SAMD12: variants seen among roughly 807,000 people sequenced by gnomAD.
The protein encoded by SAMD12 is sterile alpha motif domain containing 12.
SAMD12 carries 9 observed loss-of-function variants against 15.0 expected under a neutral mutation model. That is an observed-to-expected ratio of 0.60 (90% CI 0.36 to 1.05). The LOEUF (loss-of-function observed/expected upper bound fraction) is 1.05. Among genes scored for constraint, SAMD12 ranks in the 50% least tolerant of loss-of-function variants. The pLI, the probability that SAMD12 is intolerant of heterozygous loss-of-function variation, is 0.01. For missense variants in SAMD12, 230 were observed against 234.2 expected (o/e 0.98, Z 0.12); for synonymous variants, 86 against 90.1 (o/e 0.96, Z 0.25).
At chr8:118,362,798 A>C (rs1281689393) in intron 4 of SAMD12, among the ~76,000 whole-genome samples, 2 of 152,208 alleles carry the variant, frequency 1.3e-5, no homozygotes, top group Non-Finnish European at 2.9e-5. Context: ...AACTAGCAAA[A>C]TTTCACATTA....
intron 4 of SAMD12, among the ~76,000 whole-genome samples, chr8:118,223,428 A>G (rs1720731720): frequency 6.6e-6 from 1 of 152,180 alleles, no homozygotes; most frequent in African/African-American, 2.4e-5. Flanking sequence ...AGCCAAAAAC[A>G]TCTTAGCATT....
chr8:118,584,165 C>G (rs1827368263), intron 1 of SAMD12, among the ~76,000 whole-genome samples: 1 of 152,172 alleles, frequency 6.6e-6, no homozygotes, highest in Non-Finnish European at 1.5e-5. Context: ...ATATTTTAAT[C>G]CTCCATAGCT....
At chr8:118,279,164 G>A (rs964391968) in intron 4 of SAMD12, among the ~76,000 whole-genome samples, 1 of 152,140 alleles carries the variant, frequency 6.6e-6, no homozygotes, top group Non-Finnish European at 1.5e-5. Context: ...ATGCAAAAAC[G>A]AAGATGAATT....
intron 3 of SAMD12, among the ~76,000 whole-genome samples, chr8:118,423,488 C>T (rs139493461): frequency 2.5e-3 from 379 of 152,268 alleles, no homozygotes; most frequent in Non-Finnish European, 4.3e-3. Context: ...GCTTTACCTT[C>T]TAAAATTCTA....
chr8:118,174,259 G>A, the SAMD12 span, among the ~76,000 whole-genome samples: 1 of 152,206 alleles, frequency 6.6e-6, no homozygotes, highest in South Asian at 2.1e-4. Flanking sequence ...ATGTGGACCT[G>A]TTTAATGTCC....
chr8:118,370,640 T>C (rs993243023), intron 4 of SAMD12, among the ~76,000 whole-genome samples: 2 of 152,124 alleles, frequency 1.3e-5, no homozygotes, highest in Non-Finnish European at 2.9e-5. Flanking sequence ...TGCAGGGACA[T>C]TGATGGAGCT....
chr8:118,519,204 G>A (rs186966386), intron 2 of SAMD12, among the ~76,000 whole-genome samples: 40 of 152,280 alleles, frequency 2.6e-4, no homozygotes, highest in Non-Finnish European at 4.3e-4. Context: ...GCTTTGGGAG[G>A]TCTGTGGTTC....
chr8:118,549,123 C>A (rs577720159), intron 2 of SAMD12, among the ~76,000 whole-genome samples: 5 of 152,382 alleles, frequency 3.3e-5, no homozygotes, highest in Admixed American at 2.0e-4. Context: ...AAAAAGACAA[C>A]AGTAACCTCT....
intron 4 of SAMD12, among the ~76,000 whole-genome samples, chr8:118,289,053 T>G (rs1204591026): frequency 6.6e-6 from 1 of 152,254 alleles, no homozygotes; most frequent in Non-Finnish European, 1.5e-5. Flanking sequence ...GTAGCTTCAA[T>G]TTTGTTTCAT....
chr8:118,256,058 GAGA>G (rs1812932742), intron 4 of SAMD12, among the ~76,000 whole-genome samples: 1 of 152,206 alleles, frequency 6.6e-6, no homozygotes, highest in African/African-American at 2.4e-5. Context: ...TAACTGGTGT[GAGA>G]TGGTATCTTA....
intron 4 of SAMD12, among the ~76,000 whole-genome samples, chr8:118,259,217 C>G (rs773441127): frequency 2.6e-5 from 4 of 152,138 alleles, no homozygotes; most frequent in Non-Finnish European, 5.9e-5. Context: ...TCTAGCTTAA[C>G]AATCCAGGAG....
downstream of SAMD12, among the ~76,000 whole-genome samples, chr8:118,185,077 G>A (rs773136472): frequency 8.6e-5 from 13 of 151,902 alleles, no homozygotes; most frequent in Admixed American, 2.0e-4. Flanking sequence ...ATTGTGGTCC[G>A]AATTTTTGTT....
chr8:118,494,023 G>A (rs1321249711), intron 2 of SAMD12, among the ~76,000 whole-genome samples: 4 of 152,120 alleles, frequency 2.6e-5, no homozygotes, highest in Admixed American at 2.6e-4. Flanking sequence ...CCATGGTATT[G>A]TATTAGCCTC....
the SAMD12 span, among the ~76,000 whole-genome samples, chr8:118,154,124 A>C: frequency 6.9e-5 from 10 of 144,644 alleles, 1 homozygote; most frequent in Non-Finnish European, 1.2e-4. Context: ...GCAAAAGTCA[A>C]AGAATACACA....
intron 4 of SAMD12, among the ~76,000 whole-genome samples, chr8:118,286,575 G>A (rs1396466902): frequency 6.6e-6 from 1 of 152,146 alleles, no homozygotes; most frequent in African/African-American, 2.4e-5. Flanking sequence ...TTACCCCTGT[G>A]GCGATGTGTC....
chr8:118,408,445 C>T (rs959839740), intron 3 of SAMD12, among the ~76,000 whole-genome samples: 2 of 152,138 alleles, frequency 1.3e-5, no homozygotes, highest in South Asian at 2.1e-4. Context: ...TACCTGCCAT[C>T]GCTTTCAGAG....
chr8:118,348,042 A>G (rs1308829103), intron 4 of SAMD12, among the ~76,000 whole-genome samples: 1 of 152,154 alleles, frequency 6.6e-6, no homozygotes, highest in Non-Finnish European at 1.5e-5. Flanking sequence ...TGCTTAGGAC[A>G]CATCAACTGC....
intron 4 of SAMD12, among the ~76,000 whole-genome samples, chr8:118,362,463 A>C (rs1428648865): frequency 2.0e-5 from 3 of 152,224 alleles, no homozygotes; most frequent in Non-Finnish European, 4.4e-5. Flanking sequence ...AGACATAAGG[A>C]TAAATGCACA....
intron 2 of SAMD12, among the ~76,000 whole-genome samples, chr8:118,547,928 T>C (rs139641466): frequency 3.9e-5 from 6 of 152,236 alleles, no homozygotes; most frequent in East Asian, 3.9e-4. Flanking sequence ...TTCTGGCATA[T>C]AGTGATAGAG....
Sources: allele counts gnomAD v4.1 joint callset (sites outside exome capture counted in the v4.1 genomes callset), GRCh38; gene constraint gnomAD v4.1.1; transcripts MANE v1.5; gene names NCBI Gene and HGNC (gene_info 2026-07-23, HGNC 2026-07-21).